Variants in DLG2 observed in about 807,000 individuals in gnomAD.
DLG2 encodes disks large homolog 2.
DLG2 carries 45 observed loss-of-function variants against 132.5 expected under a neutral mutation model. That is an observed-to-expected ratio of 0.34 (90% CI 0.27 to 0.44). DLG2 has a LOEUF of 0.44. Among genes scored for constraint, DLG2 ranks in the 20% least tolerant of loss-of-function variants. DLG2 has a pLI of 1.00. For synonymous variants in DLG2, 424 were observed against 419.6 expected (o/e 1.01, Z -0.13); for missense variants, 1,045 against 1,196.9 (o/e 0.87, Z 1.87).
intron 7 of DLG2, among the ~76,000 whole-genome samples, chr11:84,270,880 A>AT (rs772938701): frequency 1.3e-5 from 2 of 152,236 alleles, no homozygotes; most frequent in Non-Finnish European, 2.9e-5. Context: ...TTTGAGCCGT[A>AT]TATTTGTCAC....
chr11:84,174,751 T>C (rs1280967721), intron 8 of DLG2, among the ~76,000 whole-genome samples: 1 of 152,126 alleles, frequency 6.6e-6, no homozygotes, highest in Non-Finnish European at 1.5e-5. Flanking sequence ...ATCAAAAATA[T>C]TTTTCTTATC....
intron 6 of DLG2, among the ~76,000 whole-genome samples, chr11:85,058,684 AG>A (rs1201769892): frequency 2.0e-5 from 3 of 151,642 alleles, no homozygotes; most frequent in African/African-American, 7.2e-5. Flanking sequence ...AAGGACAAAT[AG>A]ACCAGGTATT....
At chr11:84,908,139 A>G (rs1245712252) in intron 6 of DLG2, among the ~76,000 whole-genome samples, 1 of 152,128 alleles carries the variant, frequency 6.6e-6, no homozygotes, top group Non-Finnish European at 1.5e-5. Context: ...AAAAAATATA[A>G]TAAGAACCAC....
intron 6 of DLG2, among the ~76,000 whole-genome samples, chr11:84,683,570 G>A (rs559672189): frequency 3.7e-4 from 56 of 152,180 alleles, no homozygotes; most frequent in Admixed American, 2.6e-3. Context: ...AGGGATTAAC[G>A]AAAAGCCTCC....
At chr11:84,484,443 G>A (rs977557197) in intron 7 of DLG2, among the ~76,000 whole-genome samples, 4 of 152,114 alleles carry the variant, frequency 2.6e-5, no homozygotes, top group African/African-American at 9.7e-5. Flanking sequence ...GTGGTTATCT[G>A]AACTGGATTA....
At chr11:84,052,687 C>CAA (rs67140653) in intron 11 of DLG2, among the ~76,000 whole-genome samples, 3,014 of 125,180 alleles carry the variant, frequency 0.024, 60 homozygotes, top group Non-Finnish European at 0.033. Context: ...ATTAAAAAGT[C>CAA]AAAAAAAAAA....
chr11:85,009,183 A>C (rs1321577916), intron 6 of DLG2, among the ~76,000 whole-genome samples: 2 of 152,116 alleles, frequency 1.3e-5, no homozygotes, highest in Non-Finnish European at 2.9e-5. Flanking sequence ...CTTTTGCCTT[A>C]AGAATGCTTG....
At chr11:84,875,710 A>G (rs1018208029) in intron 6 of DLG2, among the ~76,000 whole-genome samples, 2 of 152,140 alleles carry the variant, frequency 1.3e-5, no homozygotes, top group Non-Finnish European at 1.5e-5. Flanking sequence ...ACTGGACCTC[A>G]ATAAAAGTAG....
intron 3 of DLG2, among the ~76,000 whole-genome samples, chr11:85,488,593 C>T (rs914469309): frequency 9.9e-5 from 15 of 152,080 alleles, no homozygotes; most frequent in African/African-American, 3.6e-4. Context: ...AGACTGAATT[C>T]TAAAATCAGC....
intron 4 of DLG2, among the ~76,000 whole-genome samples, chr11:85,205,013 C>T (rs1425174210): frequency 2.0e-5 from 3 of 152,002 alleles, no homozygotes; most frequent in Admixed American, 1.3e-4. Context: ...CTACCTCTCA[C>T]TTTACACCAA....
At chr11:85,487,432 A>C (rs555002392) in intron 3 of DLG2, among the ~76,000 whole-genome samples, 5 of 151,718 alleles carry the variant, frequency 3.3e-5, no homozygotes, top group African/African-American at 1.2e-4. Flanking sequence ...AAAAAAAAAA[A>C]AAACCTCAGG....
intron 15 of DLG2, among the ~76,000 whole-genome samples, chr11:83,897,514 C>A (rs2072114259): frequency 6.6e-6 from 1 of 152,136 alleles, no homozygotes; most frequent in Admixed American, 6.5e-5. Flanking sequence ...TTACTTGAAA[C>A]ATAAATTTCT....
chr11:84,131,548 T>G (rs872511), intron 9 of DLG2, among the ~76,000 whole-genome samples: 103,953 of 151,728 alleles, frequency 0.69, 36,735 homozygotes, highest in Middle Eastern at 0.81. Flanking sequence ...TAGTGTTTAC[T>G]CTCAGTCAAG....
intron 4 of DLG2, among the ~76,000 whole-genome samples, chr11:85,244,742 G>A (rs946616619): frequency 6.6e-6 from 1 of 151,962 alleles, no homozygotes; most frequent in African/African-American, 2.4e-5. Context: ...TAAGTGCCAG[G>A]AAGTCTCTGC....
intron 6 of DLG2, among the ~76,000 whole-genome samples, chr11:84,709,566 C>T (rs527990445): frequency 6.6e-6 from 1 of 152,038 alleles, no homozygotes; most frequent in South Asian, 2.1e-4. Flanking sequence ...CCCAAAGTCA[C>T]AGAGCTAATG....
chr11:84,952,844 G>T (rs969481830), intron 6 of DLG2, among the ~76,000 whole-genome samples: 17 of 152,304 alleles, frequency 1.1e-4, no homozygotes, highest in African/African-American at 3.8e-4. Context: ...ACCTAAAGAT[G>T]ATTTTTCCAT....
intron 9 of DLG2, among the ~76,000 whole-genome samples, chr11:84,111,829 G>C (rs2093364876): frequency 6.6e-6 from 1 of 151,940 alleles, no homozygotes; most frequent in South Asian, 2.1e-4. Context: ...TTTTCCATTG[G>C]CTCCTCTCTC....
At chr11:85,549,932 C>T (rs1041005621) in intron 3 of DLG2, among the ~76,000 whole-genome samples, 1 of 152,190 alleles carries the variant, frequency 6.6e-6, no homozygotes, top group Non-Finnish European at 1.5e-5. Context: ...CCACCCCTTT[C>T]CTAGAAAACT....
At chr11:85,515,870 T>A (rs1304058336) in intron 3 of DLG2, among the ~76,000 whole-genome samples, 1 of 152,002 alleles carries the variant, frequency 6.6e-6, no homozygotes, top group African/African-American at 2.4e-5. Flanking sequence ...ATCCTTATCA[T>A]AGTCTAGATA....
Sources: allele counts gnomAD v4.1 joint callset (sites outside exome capture counted in the v4.1 genomes callset), GRCh38; gene constraint gnomAD v4.1.1; transcripts MANE v1.5; gene names NCBI Gene and HGNC (gene_info 2026-07-23, HGNC 2026-07-21).